The following ABCB11 variants were observed in gnomAD, a reference collection of about 807,000 sequenced individuals.
ABCB11 encodes the protein bile salt export pump.
Under a neutral mutation model 148.0 loss-of-function variants are expected in ABCB11, and 95 were observed. That is an observed-to-expected ratio of 0.64 (90% CI 0.54 to 0.76). The LOEUF (loss-of-function observed/expected upper bound fraction) is 0.76. Among genes scored for constraint, ABCB11 ranks in the 30% least tolerant of loss-of-function variants. The pLI, the probability that ABCB11 is intolerant of heterozygous loss-of-function variation, is 0.00. For synonymous variants in ABCB11, 591 were observed against 555.4 expected, an observed-to-expected ratio of 1.06 and a Z score of -0.90; for missense variants, 1,523 against 1,617.8, an observed-to-expected ratio of 0.94 and a Z score of 1.01.
chr2:168,935,238 C>G lies in ABCB11; in HGVS notation c.3002G>C (p.Arg1001Thr). ...IMFIANSASY[R>T]YGGYLISNEG... Reference sequence around the variant, plus strand: ...ATTGGAGATTAAGTAACCTCCATATCTGTAGGAAGCAGAATTCGCAATAAA... The same window carrying G: ...ATTGGAGATTAAGTAACCTCCATATGTGTAGGAAGCAGAATTCGCAATAAA... Residue 1001 changes from arginine (R) to threonine (T), a missense_variant, in exon 23 of 28, where the codon AGA becomes ACA. Coordinates refer to ENST00000650372, the MANE Select transcript of ABCB11 (RefSeq NM_003742.4). The G allele has an allele frequency of 6.2e-7, 1 of 1,613,960 alleles. No individual in the cohort carries two copies. Among genetic ancestry groups the G allele is most frequent in the Non-Finnish European group, 8.5e-7 (1 of 1,179,876 alleles).
intron 5 of ABCB11, among the ~76,000 whole-genome samples, chr2:169,010,282 T>C (rs1197001276): frequency 6.6e-6 from 1 of 152,180 alleles, no homozygotes; most frequent in Non-Finnish European, 1.5e-5. Flanking sequence ...TATTTTAACT[T>C]CCTATTCCTT....
intron 24 of ABCB11, 39 bp from the exon 25 acceptor site, chr2:168,930,901 G>A: frequency 6.6e-7 from 1 of 1,513,982 alleles, no homozygotes; most frequent in Non-Finnish European, 8.9e-7. Flanking sequence ...TGCTCTTACT[G>A]AAGCCTAGAA....
At chr2:168,972,200 T>C in intron 13 of ABCB11, 150 bp from the exon 14 acceptor site, 1 of 664,960 alleles carries the variant, frequency 1.5e-6, no homozygotes, top group Non-Finnish European at 2.6e-6. Context: ...GTTCTTTATA[T>C]AAGGATGATA....
chr2:168,954,834 C>G (rs188426486), intron 19 of ABCB11, among the ~76,000 whole-genome samples: 2 of 151,618 alleles, frequency 1.3e-5, no homozygotes, highest in East Asian at 1.9e-4. Context: ...CTTTTGATCT[C>G]TCTTCCCTTT....
chr2:168,964,444 G>C, intron 17 of ABCB11, 136 bp from the exon 18 acceptor site: 1 of 716,842 alleles, frequency 1.4e-6, no homozygotes, highest in Non-Finnish European at 2.3e-6. Context: ...AGGAAAGGGA[G>C]CTTGCAGGTT....
chr2:169,018,268 A>C, intron 1 of ABCB11, 116 bp from the exon 2 acceptor site: 1 of 916,018 alleles, frequency 1.1e-6, no homozygotes, highest in Non-Finnish European at 1.6e-6. Flanking sequence ...AATCAATCTC[A>C]GACAAAAGTT....
chr2:168,926,969 C>A (rs1426515472), intron 26 of ABCB11, among the ~76,000 whole-genome samples, 187 bp downstream of exon 26: 1 of 151,982 alleles, frequency 6.6e-6, no homozygotes, highest in African/African-American at 2.4e-5. Flanking sequence ...TGACTGTGAC[C>A]CATCACATGA....
At chr2:168,975,177 T>A (rs1205323562) in intron 12 of ABCB11, among the ~76,000 whole-genome samples, 2 of 62,024 alleles carry the variant, frequency 3.2e-5, no homozygotes, top group African/African-American at 7.5e-5. Flanking sequence ...TTTATATTTA[T>A]TTATAGATAA....
intron 1 of ABCB11, among the ~76,000 whole-genome samples, chr2:169,022,148 G>A (rs1395745787): frequency 6.6e-6 from 1 of 151,724 alleles, no homozygotes; most frequent in Admixed American, 6.6e-5. Flanking sequence ...GATACTTCAA[G>A]ATTTATTTAT....
chr2:168,981,723 C>G (rs1297019977), intron 10 of ABCB11, among the ~76,000 whole-genome samples: 1 of 152,104 alleles, frequency 6.6e-6, no homozygotes, highest in African/African-American at 2.4e-5. Context: ...CCGGGGCCAG[C>G]AAACATTTTC....
intron 18 of ABCB11, among the ~76,000 whole-genome samples, chr2:168,963,927 T>A (rs936767038): frequency 2.0e-5 from 3 of 151,850 alleles, no homozygotes; most frequent in Non-Finnish European, 4.4e-5. Flanking sequence ...AATTCACACA[T>A]TCTGTGTTTG....
chr2:168,960,658 AC>A (rs569905841), intron 18 of ABCB11, among the ~76,000 whole-genome samples: 11 of 151,440 alleles, frequency 7.3e-5, no homozygotes, highest in Non-Finnish European at 1.5e-4. Flanking sequence ...TTAAAGTTTG[AC>A]CCCCCCGAAA....
Position 168,970,145 on chromosome 2 carries a change from G to A in ABCB11, c.1709C>T (p.Ala570Val). 1 of 1,612,916 alleles carries A rather than the reference G, an allele frequency of 6.2e-7. No homozygotes were observed. The highest frequency in any genetic ancestry group is 8.5e-7 in the Non-Finnish European group (1 of 1,179,312). The change falls in exon 15 of 28, where the codon GCC becomes GTC. Residue 570 changes from alanine to valine, a missense_variant. Transcript: ENST00000650372. ...SGGQKQRVAI[A>V]RALIRNPKIL... ...CTTGGGATTTCGGATGAGGGCTCTG[G>A]CGATAGCTACCCTTTGTTTCTGGCC...
chr2:168,979,076 A>G (rs1289626233), intron 11 of ABCB11, among the ~76,000 whole-genome samples: 1 of 152,110 alleles, frequency 6.6e-6, no homozygotes, highest in Non-Finnish European at 1.5e-5. Context: ...TAGACTAACC[A>G]GTAAAATCCC....
intron 1 of ABCB11, among the ~76,000 whole-genome samples, chr2:169,020,697 A>C (rs539411386): frequency 6.6e-6 from 1 of 152,048 alleles, no homozygotes; most frequent in Non-Finnish European, 1.5e-5. Context: ...GACAGAAAAT[A>C]AATAAGTGGT....
At chr2:169,026,369 G>A (rs1004226897) in intron 1 of ABCB11, among the ~76,000 whole-genome samples, 2 of 152,178 alleles carry the variant, frequency 1.3e-5, no homozygotes, top group Non-Finnish European at 2.9e-5. Flanking sequence ...CTAAAGGCAT[G>A]CACTGGTTGT....
chr2:168,932,433 G>GA lies in ABCB11; in HGVS notation c.3156dup (p.Gln1053SerfsTer17). The GA allele has an allele frequency of 6.2e-7, 1 of 1,604,730 alleles. No homozygotes were observed. Among genetic ancestry groups the GA allele is most frequent in the Non-Finnish European group, 8.5e-7 (1 of 1,175,368 alleles). The stretch of plus-strand genomic sequence containing the variant: ...ATTGGGGGTTGTCGGTCCAGCAGTT[G>GA]AAAAAAGCGTGCAGCTGATATTTTA... On this transcript the variant is annotated frameshift_variant, in exon 24 of 28. Transcript: ENST00000650372. LOFTEE classifies it high-confidence loss of function.
downstream of ABCB11, among the ~76,000 whole-genome samples, chr2:168,919,466 C>T (rs1207026338): frequency 6.6e-6 from 1 of 152,098 alleles, no homozygotes; most frequent in African/African-American, 2.4e-5. Flanking sequence ...AACCCATTTC[C>T]CTGCCTCAAT....
At chr2:168,965,988 T>G (rs3770584) in intron 17 of ABCB11, among the ~76,000 whole-genome samples, 1 of 151,786 alleles carries the variant, frequency 6.6e-6, no homozygotes, top group East Asian at 2.0e-4. Context: ...ACATTCAGAC[T>G]CTTGCCAAGA....
Sources: gnomAD v4.1 joint callset for allele counts (sites outside exome capture counted in the v4.1 genomes callset) on GRCh38, gnomAD v4.1.1 for gene constraint, MANE v1.5 for transcripts, NCBI Gene and HGNC (gene_info 2026-07-23, HGNC 2026-07-21) for gene names.